WNK1: variants seen among roughly 807,000 people sequenced by gnomAD.
WNK1 encodes WNK lysine deficient protein kinase 1.
A neutral mutation model predicts 222.8 loss-of-function variants in WNK1; 38 were observed. That is an observed-to-expected ratio of 0.17 (90% CI 0.13 to 0.22). The LOEUF is 0.22. WNK1 is among the 10% of genes least tolerant of loss of function. The probability of loss-of-function intolerance (pLI) is 1.00; values close to 1 mark genes in which losing one functional copy is unlikely to be tolerated. For missense variants in WNK1, 2,348 were observed against 2,918.4 expected (o/e 0.80, Z 4.50); for synonymous variants, 1,090 against 1,092.9 (o/e 1.00, Z 0.05).
intron 1 of WNK1, among the ~76,000 whole-genome samples, chr12:807,883 C>T (rs1447190611): frequency 1.3e-5 from 2 of 151,870 alleles, no homozygotes; most frequent in African/African-American, 4.8e-5. Context: ...CTACGCCTGG[C>T]TAATTTTTTG....
chr12:785,334 C>T (rs900020773), intron 1 of WNK1, among the ~76,000 whole-genome samples: 1 of 152,054 alleles, frequency 6.6e-6, no homozygotes, highest in Admixed American at 6.6e-5. Context: ...TTGCCCCTTC[C>T]AGAACTCCTG....
At chr12:788,321 TA>T (rs1006859748) in intron 1 of WNK1, among the ~76,000 whole-genome samples, 6 of 151,164 alleles carry the variant, frequency 4.0e-5, no homozygotes, top group South Asian at 2.1e-4. Flanking sequence ...TTCTTGAAAT[TA>T]AAAAAAAAGC....
At chr12:868,636 T>C in intron 8 of WNK1, 1 of 1,614,024 alleles carries the variant, frequency 6.2e-7, no homozygotes, top group Non-Finnish European at 8.5e-7. Context: ...TTGAATTTCA[T>C]GTTCACACAC....
chr12:868,097 C>G, intron 8 of WNK1: 1 of 1,614,006 alleles, frequency 6.2e-7, no homozygotes, highest in Non-Finnish European at 8.5e-7. Context: ...TGGTGGCAGC[C>G]CAACTAACTG....
intron 1 of WNK1, among the ~76,000 whole-genome samples, chr12:764,621 C>T (rs1232580443): frequency 4.3e-5 from 4 of 93,690 alleles, no homozygotes; most frequent in African/African-American, 1.1e-4. Context: ...GGGCAACGAG[C>T]GAAACTCCGT....
chr12:789,081 T>C (rs981808618), intron 1 of WNK1, among the ~76,000 whole-genome samples: 4 of 152,152 alleles, frequency 2.6e-5, no homozygotes, highest in Non-Finnish European at 4.4e-5. Context: ...TACATCTTTG[T>C]TGGTGAAATC....
intron 26 of WNK1, chr12:904,359 C>G (rs1340128970): frequency 8.8e-6 from 9 of 1,021,808 alleles, no homozygotes; most frequent in Non-Finnish European, 1.2e-5. Flanking sequence ...CCTGCTTTCT[C>G]TTGCTGGGCG....
At chr12:890,914 T>C (rs1245766980) in intron 22 of WNK1, among the ~76,000 whole-genome samples, 2 of 152,220 alleles carry the variant, frequency 1.3e-5, no homozygotes, top group Admixed American at 1.3e-4. Context: ...GTTAATCAAT[T>C]TAAACATTTT....
Position 911,221 on chromosome 12 carries a change from TA to T in WNK1, c.*2434del. 2.5e-6 allele frequency: 1 copy of T among 398,492 alleles called. No homozygotes were observed. The allele number at this position is 398,492 out of a possible 1,614,324, so 24.7% of individuals were successfully genotyped here. On this transcript the variant is annotated 3_prime_UTR_variant, in exon 28 of 28. Transcript: ENST00000315939. The stretch of plus-strand genomic sequence containing the variant: ...ACACTTTGAGTATCTTTTTCCACAT[TA>T]AAAACTTTCTGAATTATAAATGTTT...
In WNK1 at chr12:758,603, G is replaced by A. The variant is rs572109565; in HGVS notation, c.759+4279G>A. Among the ~76,000 whole-genome samples, 4 of 145,958 alleles carry A rather than the reference G, an allele frequency of 2.7e-5. No individual in the cohort carries two copies. The East Asian group carries it at 5.9e-4, about 21-fold the overall frequency. ...GGGGTTTCACCTTGTTAGCCAGGAT[G>A]GTCTGCTATAGTTCTTAAAATATCT... On this transcript the variant is annotated intron_variant, in intron 1 of 27. Coordinates refer to ENST00000315939, the MANE Select transcript of WNK1 (RefSeq NM_018979.4).
chr12:865,911 C>G (rs942583064), intron 8 of WNK1, among the ~76,000 whole-genome samples: 2 of 151,896 alleles, frequency 1.3e-5, no homozygotes, highest in Non-Finnish European at 2.9e-5. Context: ...ACATAATGTT[C>G]CCCCATGGAA....
chr12:827,351 T>A lies in WNK1; in HGVS notation c.1153+89T>A. Reference sequence around the variant, plus strand: ...GGCTCTGTCAGAGTTTTAAGTGATATAAACCTTAAGAAATTCATAGCTTGA... The same window carrying A: ...GGCTCTGTCAGAGTTTTAAGTGATAAAAACCTTAAGAAATTCATAGCTTGA... On this transcript the variant is annotated intron_variant, in intron 3 of 27. Coordinates refer to ENST00000315939, the MANE Select transcript of WNK1 (RefSeq NM_018979.4). This position sits in a 1 kb window ranked among gnomAD's most constrained non-coding sequence, Gnocchi z 4.6. 1.7e-6 allele frequency: 2 copies of A among 1,183,220 alleles called. No homozygotes were observed. The highest frequency in any genetic ancestry group is 2.4e-5 in the East Asian group (1 of 42,550). The allele number at this position is 1,183,220 out of a possible 1,614,324, so 73.3% of individuals were successfully genotyped here.
At chr12:814,630 G>T (rs1480394501) in intron 2 of WNK1, among the ~76,000 whole-genome samples, 1 of 152,056 alleles carries the variant, frequency 6.6e-6, no homozygotes, top group Non-Finnish European at 1.5e-5. Context: ...AGAGCTTTTG[G>T]TAAGTGTTGG....
intron 26 of WNK1, 146 bp from the exon 27 acceptor site, chr12:907,701 C>T: frequency 1.0e-6 from 1 of 965,850 alleles, no homozygotes; most frequent in Non-Finnish European, 1.6e-6. Context: ...CTAAACAAAA[C>T]CTTGGAATCT....
At chr12:758,488 C>T (rs1440670382) in intron 1 of WNK1, among the ~76,000 whole-genome samples, 2 of 131,048 alleles carry the variant, frequency 1.5e-5, no homozygotes, top group East Asian at 2.5e-4. Flanking sequence ...CCTGGGTTCA[C>T]GCCATTCTCC....
intron 1 of WNK1, among the ~76,000 whole-genome samples, chr12:803,869 A>G (rs1053911834): frequency 6.6e-6 from 1 of 152,250 alleles, no homozygotes; most frequent in Non-Finnish European, 1.5e-5. Context: ...GTGTACAGTG[A>G]CTTTTTAAAA....
intron 1 of WNK1, among the ~76,000 whole-genome samples, chr12:799,937 G>A (rs889301313): frequency 2.6e-5 from 4 of 151,976 alleles, no homozygotes; most frequent in South Asian, 2.1e-4. Flanking sequence ...CACCTGCCTC[G>A]GCCTCCCAAA....
In WNK1 at chr12:865,120, G is replaced by A. The variant is rs769143639; in HGVS notation, c.2139+2850G>A. ...TTGTTTTGTGTTGAGCCTCGTCGTG[G>A]CCGTAGCATGTCGGTTTGTGTTCCC... On this transcript the variant is annotated intron_variant, in intron 8 of 27. Transcript: ENST00000315939. The A allele has an allele frequency of 5.9e-6, 9 of 1,520,288 alleles. No individual in the cohort carries two copies. In the South Asian group the frequency reaches 8.5e-5, roughly 14 times the overall value. 94.2% of individuals were successfully genotyped at this position (1,520,288 alleles called of 1,614,324 possible). A position where few individuals can be genotyped will look rare whatever the true frequency, so the allele number is the denominator to read the frequency against.
At chr12:878,484 C>G (rs1407496526) in intron 10 of WNK1, 123 bp downstream of exon 10, 3 of 1,103,630 alleles carry the variant, frequency 2.7e-6, no homozygotes, top group South Asian at 2.9e-5. Flanking sequence ...TAAGGGTAAC[C>G]AACCCTTGAA....
Sources: allele counts gnomAD v4.1 joint callset (sites outside exome capture counted in the v4.1 genomes callset), GRCh38; gene constraint gnomAD v4.1.1; non-coding constraint Gnocchi (gnomAD v3.1); transcripts MANE v1.5; gene names NCBI Gene and HGNC (gene_info 2026-07-23, HGNC 2026-07-21).